GRIN2A: variants seen among roughly 807,000 people sequenced by gnomAD.
GRIN2A encodes the protein glutamate receptor ionotropic, NMDA 2A.
In GRIN2A, 22 loss-of-function variants were observed where a neutral mutation model predicts 113.4. That is an observed-to-expected ratio of 0.19 (90% confidence interval 0.14 to 0.28). The LOEUF is 0.28. Ranked by LOEUF, GRIN2A falls within the 10% of genes least tolerant of loss-of-function variation. The pLI is 1.00. For synonymous variants in GRIN2A, 827 were observed against 738.4 expected (o/e 1.12, Z -1.94); for missense variants, 1,502 against 1,887.0 (o/e 0.80, Z 3.78).
At chr16:9,975,229 C>T (rs967366939) in intron 2 of GRIN2A, among the ~76,000 whole-genome samples, 1 of 151,986 alleles carries the variant, frequency 6.6e-6, no homozygotes, top group Non-Finnish European at 1.5e-5. Context: ...AAATGGATCC[C>T]CCAAAGATGT....
chr16:10,062,192 G>T (rs1200615243), intron 2 of GRIN2A, among the ~76,000 whole-genome samples: 1 of 152,134 alleles, frequency 6.6e-6, no homozygotes, highest in African/African-American at 2.4e-5. Flanking sequence ...CCTAAGGCAG[G>T]AGTTGATAAG....
At chr16:9,990,557 G>GCA (rs1555462216) in intron 2 of GRIN2A, among the ~76,000 whole-genome samples, 1 of 105,876 alleles carries the variant, frequency 9.4e-6, no homozygotes, top group African/African-American at 3.1e-5. Flanking sequence ...GCGCGCGCGC[G>GCA]CGCGCGCACA....
At chr16:9,884,790 C>T (rs2043556106) in intron 4 of GRIN2A, among the ~76,000 whole-genome samples, 1 of 147,750 alleles carries the variant, frequency 6.8e-6, no homozygotes, top group African/African-American at 2.5e-5. Flanking sequence ...CACTCTGTGG[C>T]CCAGGCTGGA....
At chr16:9,905,532 C>T (rs2044009879) in intron 3 of GRIN2A, among the ~76,000 whole-genome samples, 1 of 152,184 alleles carries the variant, frequency 6.6e-6, no homozygotes, top group Non-Finnish European at 1.5e-5. Flanking sequence ...ACTGGCTGCT[C>T]ATTTGGACTG....
chr16:9,996,708 A>G (rs1422286909), intron 2 of GRIN2A, among the ~76,000 whole-genome samples: 1 of 152,168 alleles, frequency 6.6e-6, no homozygotes, highest in African/African-American at 2.4e-5. Flanking sequence ...AGCTCCACCA[A>G]TGGGAAGAGG....
At chr16:9,834,913 C>G (rs2042561494) in intron 7 of GRIN2A, among the ~76,000 whole-genome samples, 1 of 151,994 alleles carries the variant, frequency 6.6e-6, no homozygotes, top group Admixed American at 6.5e-5. Context: ...GGGGCTAAAG[C>G]TAGGAAGAAA....
intron 2 of GRIN2A, among the ~76,000 whole-genome samples, chr16:10,034,367 A>T (rs2046984576): frequency 6.6e-6 from 1 of 151,796 alleles, no homozygotes; most frequent in Admixed American, 6.6e-5. Context: ...TCTACTAAAA[A>T]TCCAAAAAAT....
chr16:9,841,029 G>A lies in GRIN2A; in HGVS notation c.1404C>T (p.Ser468=), dbSNP rs1064797208. The change falls in exon 6 of 13, where the codon TCC becomes TCT. Residue 468 remains serine (S), a synonymous_variant. Transcript: ENST00000330684. ...GGTCGTAAGTAAACTTCACAGTTCTGGAAAGCTTCTTCAGAATATCAATGC... is the reference window on the plus strand; with the variant it reads ...GGTCGTAAGTAAACTTCACAGTTCTAGAAAGCTTCTTCAGAATATCAATGC... ...GFCIDILKKL[S]RTVKFTYDLY... The A allele has an allele frequency of 6.2e-7, 1 of 1,613,340 alleles. No individual in the cohort carries two copies. Among genetic ancestry groups the A allele is most frequent in the Non-Finnish European group, 8.5e-7 (1 of 1,179,386 alleles).
At chr16:10,111,666 C>T (rs754645449) in intron 2 of GRIN2A, 11 of 1,562,344 alleles carry the variant, frequency 7.0e-6, no homozygotes, top group Non-Finnish European at 9.7e-6. Context: ...ACCACAACTG[C>T]ACCCCAGAGT....
At chr16:9,909,980 C>T (rs1403609205) in intron 3 of GRIN2A, among the ~76,000 whole-genome samples, 2 of 152,154 alleles carry the variant, frequency 1.3e-5, no homozygotes, top group Non-Finnish European at 2.9e-5. Flanking sequence ...GCCTTTTGTG[C>T]CTGGCCTCTT....
rs1901100102 is a variant in GRIN2A, at chr16:9,769,097, G to T, written c.2357-8C>A. On this transcript the variant is annotated splice_polypyrimidine_tract_variant and splice_region_variant and intron_variant, in intron 11 of 12. Transcript: ENST00000330684. ...CCAGCTCCTCCATCTCACCTGGACA[G>T]ATCACAACATTCACAGGCAGTGAGG... 1.2e-6 allele frequency: 2 copies of T among 1,603,252 alleles called. No homozygotes were observed. Among genetic ancestry groups the T allele is most frequent in the African/African-American group, 1.3e-5 (1 of 74,722 alleles).
At chr16:10,077,261 C>T (rs528975773) in intron 2 of GRIN2A, among the ~76,000 whole-genome samples, 28 of 152,284 alleles carry the variant, frequency 1.8e-4, no homozygotes, top group African/African-American at 4.8e-4. Flanking sequence ...GTGCTTTAAG[C>T]CACTGTGTGT....
chr16:9,838,521 T>A (rs1300458908), intron 7 of GRIN2A, among the ~76,000 whole-genome samples: 1 of 152,196 alleles, frequency 6.6e-6, no homozygotes, highest in Non-Finnish European at 1.5e-5. Flanking sequence ...CTGGAGGCCA[T>A]CATTCTAAAT....
chr16:9,857,621 C>T (rs2042991570), intron 4 of GRIN2A, among the ~76,000 whole-genome samples: 1 of 152,164 alleles, frequency 6.6e-6, no homozygotes, highest in Non-Finnish European at 1.5e-5. Context: ...GGGCAAATTT[C>T]TTAATATCTA....
intron 2 of GRIN2A, among the ~76,000 whole-genome samples, chr16:10,018,490 T>C (rs2046651791): frequency 6.6e-6 from 1 of 152,164 alleles, no homozygotes; most frequent in South Asian, 2.1e-4. Flanking sequence ...TAAGGGGGTG[T>C]GGCTCTCAGC....
chr16:9,833,968 C>T (rs2042542873), intron 8 of GRIN2A, 137 bp downstream of exon 8: 4 of 831,492 alleles, frequency 4.8e-6, no homozygotes, highest in Non-Finnish European at 6.3e-6. Context: ...CCACCCACCT[C>T]GGTCTCCCAA....
intron 10 of GRIN2A, among the ~76,000 whole-genome samples, chr16:9,818,770 T>A (rs1045058863): frequency 2.0e-5 from 3 of 152,186 alleles, no homozygotes; most frequent in Non-Finnish European, 4.4e-5. Context: ...GGCAAAACTT[T>A]GGAGAAATAA....
At chr16:10,150,076 C>A (rs2049535703) in intron 2 of GRIN2A, among the ~76,000 whole-genome samples, 1 of 152,246 alleles carries the variant, frequency 6.6e-6, no homozygotes, top group African/African-American at 2.4e-5. Flanking sequence ...ATTTGCCCTA[C>A]TTGAGCCCAG....
At position 9,763,611 on chromosome 16, in the gene GRIN2A, T is replaced by A. The variant is rs1900698422; in HGVS notation, c.3933A>T (p.Ile1311=). 2.5e-6 allele frequency: 4 copies of A among 1,613,548 alleles called. No homozygotes were observed. The part of the protein sequence containing the change: ...ELDLSRPSRS[I]SLKDRERLLE... The stretch of plus-strand genomic sequence containing the variant: ...GAAGCCGTTCCCTGTCCTTGAGGCT[T>A]ATGCTCCGGGAGGGCCTGCTAAGGT... Residue 1311 remains isoleucine (I), a synonymous_variant, in exon 13 of 13, where the codon ATA becomes ATT. Coordinates refer to ENST00000330684, the MANE Select transcript of GRIN2A (RefSeq NM_001134407.3).
Sources: allele counts gnomAD v4.1 joint callset (sites outside exome capture counted in the v4.1 genomes callset), GRCh38; gene constraint gnomAD v4.1.1; transcripts MANE v1.5; gene names NCBI Gene and HGNC (gene_info 2026-07-23, HGNC 2026-07-21).